The following ILDR1 variants were observed in gnomAD, a reference collection of about 807,000 sequenced individuals.
ILDR1 encodes immunoglobulin like domain containing receptor 1, also known as immunoglobulin-like domain-containing receptor 1.
Under a neutral mutation model 62.4 loss-of-function variants are expected in ILDR1, and 56 were observed. The ratio of observed to expected loss-of-function variants is 0.90; its 90% CI spans 0.72 to 1.12. The LOEUF is 1.12. ILDR1 is among the 50% of genes most tolerant of loss of function. The probability of loss-of-function intolerance (pLI) is 0.00; values close to 1 mark genes in which losing one functional copy is unlikely to be tolerated. For missense variants in ILDR1, 736 were observed against 710.6 expected (o/e 1.04, Z -0.41); for synonymous variants, 284 against 277.8 (o/e 1.02, Z -0.22).
At chr3:122,010,296 C>A (rs1043362033) in intron 1 of ILDR1, among the ~76,000 whole-genome samples, 1 of 152,082 alleles carries the variant, frequency 6.6e-6, no homozygotes, top group African/African-American at 2.4e-5. Context: ...AATCACAATC[C>A]AGTTCAATTT....
the ILDR1 span, among the ~76,000 whole-genome samples, chr3:122,037,405 G>A: frequency 6.6e-6 from 1 of 152,244 alleles, no homozygotes; most frequent in Admixed American, 6.5e-5. Flanking sequence ...TGCCATGAGT[G>A]TGAGACATTG....
chr3:122,053,724 C>T, the ILDR1 span, among the ~76,000 whole-genome samples: 1 of 152,072 alleles, frequency 6.6e-6, no homozygotes, highest in African/African-American at 2.4e-5. Context: ...TATTTAATGA[C>T]TACTAAAAAG....
At chr3:122,036,733 T>C in the ILDR1 span, among the ~76,000 whole-genome samples, 1 of 152,166 alleles carries the variant, frequency 6.6e-6, no homozygotes, top group South Asian at 2.1e-4. Context: ...AGCCGAATGT[T>C]AATAACCAAA....
At chr3:122,012,572 G>A (rs1362794415) in intron 1 of ILDR1, among the ~76,000 whole-genome samples, 2 of 152,170 alleles carry the variant, frequency 1.3e-5, no homozygotes, top group South Asian at 2.1e-4. Flanking sequence ...GTTAGAGTCA[G>A]AAGTTGACCT....
At chr3:122,050,518 G>A in the ILDR1 span, among the ~76,000 whole-genome samples, 1 of 150,390 alleles carries the variant, frequency 6.6e-6, no homozygotes, top group Non-Finnish European at 1.5e-5. Context: ...CTTAAATTCA[G>A]CTTCATATAA....
chr3:122,034,329 G>A, the ILDR1 span, among the ~76,000 whole-genome samples: 1 of 152,270 alleles, frequency 6.6e-6, no homozygotes, highest in South Asian at 2.1e-4. Context: ...GAGATGTAGA[G>A]AGCTAGAAAG....
Position 121,993,799 on chromosome 3 carries a change from A to C in ILDR1, c.950T>G (p.Leu317Arg), listed in dbSNP as rs1553743398. The stretch of plus-strand genomic sequence containing the variant: ...CACGACCTCAGAGCCCAGGGAGGAC[A>C]GCATGCTGCAGGGATGGCCAAATCT... ...KGRFGHPCSM[L>R]SSLGSEVVER... Residue 317 changes from leucine to arginine, a missense_variant, in exon 7 of 8, where the codon CTG becomes CGG. By Grantham distance (102) the Leu-to-Arg change is moderately radical (BLOSUM62 -2). Transcript: ENST00000344209. The C allele has an allele frequency of 5.6e-6, 9 of 1,614,170 alleles. No homozygotes were observed. The highest frequency in any genetic ancestry group is 7.6e-6 in the Non-Finnish European group (9 of 1,180,024).
At chr3:121,996,662 T>C (rs2107649081) in intron 5 of ILDR1, among the ~76,000 whole-genome samples, 1 of 152,316 alleles carries the variant, frequency 6.6e-6, no homozygotes, top group Non-Finnish European at 1.5e-5. Flanking sequence ...TTAGTCACCC[T>C]TAATGAGCTT....
At chr3:122,039,229 CT>C in the ILDR1 span, among the ~76,000 whole-genome samples, 1 of 151,876 alleles carries the variant, frequency 6.6e-6, no homozygotes, top group Non-Finnish European at 1.5e-5. Flanking sequence ...AATAGCATGC[CT>C]CCAACCACAG....
chr3:122,042,239 C>A, the ILDR1 span, among the ~76,000 whole-genome samples: 12 of 75,858 alleles, frequency 1.6e-4, no homozygotes, highest in African/African-American at 5.9e-4. Flanking sequence ...CTACAAAGGA[C>A]ACGAACTCAT....
upstream of ILDR1, among the ~76,000 whole-genome samples, chr3:122,026,453 T>G (rs1334975429): frequency 6.6e-6 from 1 of 152,194 alleles, no homozygotes; most frequent in East Asian, 1.9e-4. Context: ...GATATAGGTT[T>G]CTGACTATTG....
At chr3:122,017,240 G>T (rs1037149497) in intron 1 of ILDR1, among the ~76,000 whole-genome samples, 2 of 152,030 alleles carry the variant, frequency 1.3e-5, no homozygotes, top group African/African-American at 4.8e-5. Flanking sequence ...GTAGAGAAGG[G>T]GTTTCGCCAT....
intron 1 of ILDR1, among the ~76,000 whole-genome samples, chr3:122,018,299 C>A (rs2071805191): frequency 6.7e-6 from 1 of 150,260 alleles, no homozygotes. Context: ...GGACAAAAAA[C>A]CAAATACCGC....
Position 121,988,313 on chromosome 3 carries a change from T to G in ILDR1, c.*54A>C. The G allele has an allele frequency of 6.7e-7, 1 of 1,487,580 alleles. No homozygotes were observed. The highest frequency in any genetic ancestry group is 2.3e-5 in the East Asian group (1 of 44,242). 92.1% of individuals were successfully genotyped at this position (1,487,580 alleles called of 1,614,324 possible). A position where few individuals can be genotyped will look rare whatever the true frequency, so the allele number is the denominator to read the frequency against. On this transcript the variant is annotated 3_prime_UTR_variant, in exon 8 of 8. Coordinates refer to ENST00000344209, the MANE Select transcript of ILDR1 (RefSeq NM_001199799.2). ...AGTCAGCTGGAAACCTAGGTGATGC[T>G]GATGACACACAGGAGCCGAGAAGTA...
At chr3:122,049,162 A>G in the ILDR1 span, among the ~76,000 whole-genome samples, 1 of 152,114 alleles carries the variant, frequency 6.6e-6, no homozygotes, top group Non-Finnish European at 1.5e-5. Context: ...ATGTTGTTGC[A>G]TTTCCACATA....
At chr3:122,028,194 G>A in the ILDR1 span, among the ~76,000 whole-genome samples, 1 of 151,936 alleles carries the variant, frequency 6.6e-6, no homozygotes, top group Non-Finnish European at 1.5e-5. Flanking sequence ...AAATTAGCTG[G>A]GCGTGGTGGC....
At chr3:122,013,392 G>C (rs1238100741) in intron 1 of ILDR1, among the ~76,000 whole-genome samples, 1 of 152,110 alleles carries the variant, frequency 6.6e-6, no homozygotes, top group Non-Finnish European at 1.5e-5. Flanking sequence ...GGAGGGTGAA[G>C]GCAGGTCTTT....
the ILDR1 span, among the ~76,000 whole-genome samples, chr3:122,060,429 C>T: frequency 2.0e-5 from 3 of 152,084 alleles, no homozygotes; most frequent in South Asian, 2.1e-4. Flanking sequence ...CCTCTGCTGT[C>T]GGTGGAAATA....
Position 121,993,964 on chromosome 3 carries a change from G to A in ILDR1, c.785C>T (p.Ser262Phe), listed in dbSNP as rs1181467640. The change falls in exon 7 of 8, where the codon TCC becomes TTC. Residue 262 changes from serine (S) to phenylalanine (F), a missense_variant. Ser to Phe is a radical substitution (Grantham distance 155). Transcript: ENST00000344209. ...CATCTGCGGGAGGCTGGACGGCAGG[G>A]ACAAATCTGAATGGAAACAAGGACA... ...PMHPLLQRDL[S>F]LPSSLPQMPM... The A allele has an allele frequency of 6.2e-7, 1 of 1,608,960 alleles. No individual in the cohort carries two copies. The highest frequency in any genetic ancestry group is 1.1e-5 in the South Asian group (1 of 91,054).
Sources: gnomAD v4.1 joint callset for allele counts (sites outside exome capture counted in the v4.1 genomes callset) on GRCh38, gnomAD v4.1.1 for gene constraint, MANE v1.5 for transcripts, NCBI Gene and HGNC (gene_info 2026-07-23, HGNC 2026-07-21) for gene names.